Variants in ANKRD17 observed in about 807,000 individuals in gnomAD.
The protein encoded by ANKRD17 is ankyrin repeat domain-containing protein 17.
In ANKRD17, 19 loss-of-function variants were observed where a neutral mutation model predicts 229.7. The observed-to-expected ratio is 0.08, with a 90% CI of 0.06 to 0.12. The LOEUF is 0.12. Among genes scored for constraint, ANKRD17 ranks in the 10% least tolerant of loss-of-function variants. ANKRD17 has a pLI of 1.00. For synonymous variants in ANKRD17, 1,112 were observed against 1,146.1 expected, an observed-to-expected ratio of 0.97 and a Z score of 0.60; for missense variants, 2,176 against 3,176.8, an observed-to-expected ratio of 0.68 and a Z score of 7.57.
chr4:73,226,685 A>C (rs1742546581), intron 1 of ANKRD17, among the ~76,000 whole-genome samples: 2 of 151,678 alleles, frequency 1.3e-5, no homozygotes, highest in African/African-American at 4.8e-5. Context: ...GAGCCACCGC[A>C]CCTGGCCCAA....
chr4:73,086,919 A>AAATATATATAT (rs1553911000), intron 29 of ANKRD17, among the ~76,000 whole-genome samples: 1 of 12,464 alleles, frequency 8.0e-5, no homozygotes, highest in African/African-American at 2.6e-4. Flanking sequence ...AAAAAAAAAA[A>AAATATATATAT]ATATATATAT....
intron 16 of ANKRD17, 151 bp from the exon 17 acceptor site, chr4:73,125,463 G>T: frequency 1.6e-6 from 1 of 633,972 alleles, no homozygotes. Context: ...GGACGGGCGT[G>T]GTGGCTCACG....
At chr4:73,184,147 C>T (rs980383139) in intron 1 of ANKRD17, among the ~76,000 whole-genome samples, 2 of 152,118 alleles carry the variant, frequency 1.3e-5, no homozygotes, top group Non-Finnish European at 2.9e-5. Context: ...TCAAACTACT[C>T]CTCAAGTTAG....
At chr4:73,164,995 G>A (rs931712761) in intron 2 of ANKRD17, among the ~76,000 whole-genome samples, 9 of 151,630 alleles carry the variant, frequency 5.9e-5, no homozygotes, top group South Asian at 2.1e-4. Flanking sequence ...AATTGAATGC[G>A]TAATTATGTT....
chr4:73,147,343 G>C lies in ANKRD17; in HGVS notation c.1657C>G (p.Leu553Val). 1 of 1,610,492 alleles carries C rather than the reference G, an allele frequency of 6.2e-7. No homozygotes were observed. Among genetic ancestry groups the C allele is most frequent in the Non-Finnish European group, 8.5e-7 (1 of 1,177,916 alleles). The change falls in exon 9 of 34, where the codon CTA (leucine) becomes GTA (valine). Residue 553 changes from leucine (L) to valine (V), a missense_variant. Leu to Val is a conservative substitution (Grantham distance 32). Coordinates refer to ENST00000358602, the MANE Select transcript of ANKRD17 (RefSeq NM_032217.5). ...TCTATATCGGCTCCTGCCTTAATTA[G>C]AAAGTCTGCCACTTCCAGAAAGCCT... ...CGGFLEVADFLIKAGADIELG... is the reference protein window; with the variant it reads ...CGGFLEVADFVIKAGADIELG...
intron 16 of ANKRD17, among the ~76,000 whole-genome samples, chr4:73,127,712 T>C (rs1049243946): frequency 6.6e-6 from 1 of 152,182 alleles, no homozygotes; most frequent in Non-Finnish European, 1.5e-5. Flanking sequence ...GGTCATAGAT[T>C]CAAAAACTGT....
At chr4:73,143,177 A>C (rs1225244015) in intron 11 of ANKRD17, among the ~76,000 whole-genome samples, 1 of 152,260 alleles carries the variant, frequency 6.6e-6, no homozygotes, top group Non-Finnish European at 1.5e-5. Flanking sequence ...CTTTATGTAG[A>C]GAATAAACAC....
In ANKRD17 at chr4:73,113,281, G is replaced by T. The variant is rs543335297; in HGVS notation, c.4401+511C>A. On this transcript the variant is annotated intron_variant, in intron 24 of 33. Coordinates refer to ENST00000358602, the MANE Select transcript of ANKRD17 (RefSeq NM_032217.5). The stretch of plus-strand genomic sequence containing the variant: ...TGTTTTGGTGTATTTTACTCCCCAT[G>T]GGAATAGATGGGAATGATGTTGTAG... The T allele has an allele frequency of 4.0e-5, 51 of 1,289,208 alleles. No individual in the cohort carries two copies. In the East Asian group the frequency reaches 2.0e-3, roughly 51 times the overall value. The allele number at this position is 1,289,208 out of a possible 1,614,324, so 79.9% of individuals were successfully genotyped here. A position where few individuals can be genotyped will look rare whatever the true frequency, so the allele number is the denominator to read the frequency against.
chr4:73,149,239 G>A (rs1363527803), intron 7 of ANKRD17, among the ~76,000 whole-genome samples, 189 bp from the exon 8 acceptor site: 2 of 151,754 alleles, frequency 1.3e-5, no homozygotes, highest in East Asian at 3.9e-4. Context: ...ATAGAAGAGG[G>A]AAATAGAGAT....
At chr4:73,144,314 A>G (rs1729965586) in intron 11 of ANKRD17, among the ~76,000 whole-genome samples, 1 of 152,192 alleles carries the variant, frequency 6.6e-6, no homozygotes, top group Admixed American at 6.5e-5. Flanking sequence ...TTTTTGTACT[A>G]TATTTATAAC....
intron 1 of ANKRD17, among the ~76,000 whole-genome samples, chr4:73,248,604 T>C (rs1337690952): frequency 6.6e-6 from 1 of 151,982 alleles, no homozygotes; most frequent in Admixed American, 6.6e-5. Context: ...TATTAGCTAA[T>C]AATCATAGCT....
chr4:73,209,800 C>G (rs1188371647), intron 1 of ANKRD17, among the ~76,000 whole-genome samples: 1 of 152,120 alleles, frequency 6.6e-6, no homozygotes, highest in East Asian at 1.9e-4. Context: ...ATGCAAAAGT[C>G]AATTAATATA....
intron 1 of ANKRD17, among the ~76,000 whole-genome samples, chr4:73,195,218 C>T (rs932085637): frequency 6.6e-6 from 1 of 152,122 alleles, no homozygotes; most frequent in African/African-American, 2.4e-5. Context: ...CTAGGATACA[C>T]ACCATTTGGT....
chr4:73,125,355 G>T lies in ANKRD17; in HGVS notation c.3235-43C>A, dbSNP rs558336622. ...TTGGTTAGTTTATTAAATAACTTAA[G>T]ATGTTAATATCAAATACATAATATG... On this transcript the variant is annotated intron_variant, in intron 16 of 33. Coordinates refer to ENST00000358602, the MANE Select transcript of ANKRD17 (RefSeq NM_032217.5). The T allele has an allele frequency of 1.0e-4, 135 of 1,306,670 alleles. No individual in the cohort carries two copies. The South Asian group carries it at 1.4e-3, about 14-fold the overall frequency. The allele number at this position is 1,306,670 out of a possible 1,614,324, so 80.9% of individuals were successfully genotyped here. A position where few individuals can be genotyped will look rare whatever the true frequency, so the allele number is the denominator to read the frequency against.
intron 27 of ANKRD17, among the ~76,000 whole-genome samples, chr4:73,095,454 T>C (rs1020159137): frequency 6.6e-6 from 1 of 151,138 alleles, no homozygotes; most frequent in Non-Finnish European, 1.5e-5. Context: ...TACAAAAAAT[T>C]ACCCGGGCAT....
chr4:73,199,868 C>T (rs1028050492), intron 1 of ANKRD17, among the ~76,000 whole-genome samples: 5 of 152,066 alleles, frequency 3.3e-5, no homozygotes, highest in Non-Finnish European at 7.4e-5. Context: ...TAGTATATGT[C>T]CTTTCTGAAA....
intron 22 of ANKRD17, among the ~76,000 whole-genome samples, chr4:73,116,880 T>C (rs550506060): frequency 6.6e-6 from 1 of 151,942 alleles, no homozygotes; most frequent in Non-Finnish European, 1.5e-5. Flanking sequence ...CTATATAATA[T>C]AGTACTCTAG....
rs187683898 is a variant in ANKRD17 at position 73,212,213 on chromosome 4, A to G, written c.394-34680T>C. Among the ~76,000 whole-genome samples the G allele has an allele frequency of 1.5e-3, 221 of 151,776 alleles. 2 individuals carry two copies. The highest frequency in any genetic ancestry group is 5.0e-3 in the African/African-American group (206 of 41,028). ...AAAAACCAGCATTTACTATGTTCTA[A>G]GTACAATGTTGAGTCACTGAAGATA... On this transcript the variant is annotated intron_variant, in intron 1 of 33. Coordinates refer to ENST00000358602, the MANE Select transcript of ANKRD17 (RefSeq NM_032217.5).
rs1372083160 is a variant in ANKRD17 at position 73,142,388 on chromosome 4, A to G, written c.2086-3T>C. On this transcript the variant is annotated splice_region_variant and splice_polypyrimidine_tract_variant and intron_variant, in intron 12 of 33. Coordinates refer to ENST00000358602, the MANE Select transcript of ANKRD17 (RefSeq NM_032217.5). Reference sequence around the variant, plus strand: ...TCTATCAACATAGTTGAGCCATCCTAAAAGAGTGAATATGGAAGGGGAAAA... The same window carrying G: ...TCTATCAACATAGTTGAGCCATCCTGAAAGAGTGAATATGGAAGGGGAAAA... 1.9e-6 allele frequency: 3 copies of G among 1,587,166 alleles called. No homozygotes were observed. The highest frequency in any genetic ancestry group is 1.4e-5 in the African/African-American group (1 of 72,902).
Sources: gnomAD v4.1 joint callset for allele counts (sites outside exome capture counted in the v4.1 genomes callset) on GRCh38, gnomAD v4.1.1 for gene constraint, MANE v1.5 for transcripts, NCBI Gene and HGNC (gene_info 2026-07-23, HGNC 2026-07-21) for gene names.